The following ZBTB20 variants were observed in gnomAD, a reference collection of about 807,000 sequenced individuals.
The protein encoded by ZBTB20 is zinc finger and BTB domain containing 20.
ZBTB20 carries 9 observed loss-of-function variants against 56.9 expected under a neutral mutation model. That is an observed-to-expected ratio of 0.16 (90% confidence interval 0.10 to 0.28). The LOEUF (loss-of-function observed/expected upper bound fraction) is 0.28. Ranked by LOEUF, ZBTB20 falls within the 10% of genes least tolerant of loss-of-function variation. The pLI is 1.00. For synonymous variants in ZBTB20, 417 were observed against 420.7 expected (o/e 0.99, Z 0.11); for missense variants, 655 against 1,003.0 (o/e 0.65, Z 4.69).
intron 7 of ZBTB20, among the ~76,000 whole-genome samples, chr3:114,391,750 G>A (rs962954659): frequency 6.6e-6 from 1 of 152,184 alleles, no homozygotes; most frequent in Non-Finnish European, 1.5e-5. Flanking sequence ...AGACCTAAAA[G>A]CTCATCTGCT....
At chr3:115,113,990 A>C (rs2083951916) in intron 1 of ZBTB20, among the ~76,000 whole-genome samples, 1 of 152,170 alleles carries the variant, frequency 6.6e-6, no homozygotes, top group Non-Finnish European at 1.5e-5. Context: ...CAATATATGC[A>C]TAATTATTTA....
chr3:115,036,193 A>G (rs913424493), intron 2 of ZBTB20, among the ~76,000 whole-genome samples: 7 of 152,224 alleles, frequency 4.6e-5, no homozygotes, highest in Admixed American at 6.5e-5. Flanking sequence ...TAATGCCACC[A>G]AACTGTACAG....
intron 7 of ZBTB20, among the ~76,000 whole-genome samples, chr3:114,439,049 T>C (rs1487833454): frequency 6.6e-6 from 1 of 152,140 alleles, no homozygotes; most frequent in Non-Finnish European, 1.5e-5. Context: ...TGCCAACATA[T>C]TTGATAGATT....
At chr3:115,130,740 A>G (rs1163442922) in intron 1 of ZBTB20, among the ~76,000 whole-genome samples, 1 of 152,114 alleles carries the variant, frequency 6.6e-6, no homozygotes, top group Non-Finnish European at 1.5e-5. Context: ...TAGCCATAAT[A>G]TTTTAAATTA....
intron 2 of ZBTB20, among the ~76,000 whole-genome samples, chr3:115,040,142 T>A (rs564949667): frequency 6.6e-5 from 10 of 152,138 alleles, no homozygotes; most frequent in Non-Finnish European, 1.3e-4. Flanking sequence ...TTTTTTTTAT[T>A]TCAAGTGGTA....
At chr3:115,106,798 C>T (rs1387751840) in intron 1 of ZBTB20, among the ~76,000 whole-genome samples, 1 of 152,074 alleles carries the variant, frequency 6.6e-6, no homozygotes, top group Non-Finnish European at 1.5e-5. Flanking sequence ...ACCATCGCCA[C>T]CTTCTTCCCC....
chr3:114,786,572 AG>A (rs1473653455), intron 5 of ZBTB20, among the ~76,000 whole-genome samples: 1 of 152,094 alleles, frequency 6.6e-6, no homozygotes, highest in Non-Finnish European at 1.5e-5. Flanking sequence ...GGAAAATAAT[AG>A]TATCAGAAAT....
intron 5 of ZBTB20, among the ~76,000 whole-genome samples, chr3:114,798,625 C>T (rs2071499405): frequency 6.6e-6 from 1 of 151,850 alleles, no homozygotes; most frequent in South Asian, 2.1e-4. Context: ...ACCTTTGTGC[C>T]CTACCCTGTG....
intron 3 of ZBTB20, among the ~76,000 whole-genome samples, chr3:114,936,136 T>C (rs1005464243): frequency 3.3e-5 from 5 of 151,702 alleles, no homozygotes; most frequent in Admixed American, 3.3e-4. Flanking sequence ...AACACAATAA[T>C]GGAGGAAATA....
intron 3 of ZBTB20, among the ~76,000 whole-genome samples, chr3:114,967,508 T>C (rs2077692756): frequency 6.6e-6 from 1 of 152,194 alleles, no homozygotes; most frequent in Non-Finnish European, 1.5e-5. Flanking sequence ...CACACCATGC[T>C]ACTTCAAATG....
intron 7 of ZBTB20, among the ~76,000 whole-genome samples, chr3:114,484,798 A>ATTGTGT (rs1553726433): frequency 6.6e-6 from 1 of 150,606 alleles, no homozygotes; most frequent in East Asian, 2.0e-4. Flanking sequence ...ATATCAATAG[A>ATTGTGT]GTGTGTGTGT....
intron 4 of ZBTB20, among the ~76,000 whole-genome samples, chr3:114,868,576 C>T (rs672825): frequency 6.6e-6 from 1 of 152,164 alleles, no homozygotes; most frequent in Non-Finnish European, 1.5e-5. Context: ...AAAGAGTACT[C>T]TCAATAAACA....
At chr3:114,547,473 G>C (rs1166954213) in intron 6 of ZBTB20, among the ~76,000 whole-genome samples, 1 of 152,082 alleles carries the variant, frequency 6.6e-6, no homozygotes, top group Non-Finnish European at 1.5e-5. Context: ...GGTAATGAAG[G>C]GCAAAAGAAG....
chr3:114,693,867 G>T (rs558886565), intron 5 of ZBTB20, among the ~76,000 whole-genome samples: 5 of 152,028 alleles, frequency 3.3e-5, no homozygotes, highest in African/African-American at 1.2e-4. Context: ...TGTTGAGAAG[G>T]TTATGTTTTA....
chr3:114,464,930 T>C (rs899890252), intron 7 of ZBTB20, among the ~76,000 whole-genome samples: 2 of 152,202 alleles, frequency 1.3e-5, no homozygotes, highest in African/African-American at 4.8e-5. Flanking sequence ...CTTTCAGCTC[T>C]GAATATCCAG....
At chr3:115,125,896 C>T (rs2084318536) in intron 1 of ZBTB20, among the ~76,000 whole-genome samples, 1 of 151,812 alleles carries the variant, frequency 6.6e-6, no homozygotes, top group African/African-American at 2.4e-5. Flanking sequence ...TAAAATAATA[C>T]ACACATACAT....
At chr3:114,481,275 A>AAC (rs1476825533) in intron 7 of ZBTB20, among the ~76,000 whole-genome samples, 8 of 151,580 alleles carry the variant, frequency 5.3e-5, no homozygotes, top group East Asian at 3.9e-4. Flanking sequence ...TAAAAAAAAA[A>AAC]AAAACCTCAT....
At chr3:114,401,105 C>T (rs2086787118) in intron 7 of ZBTB20, among the ~76,000 whole-genome samples, 1 of 151,744 alleles carries the variant, frequency 6.6e-6, no homozygotes. Flanking sequence ...CACACACACA[C>T]ACACACACAC....
At chr3:115,011,343 C>A (rs1423853076) in intron 2 of ZBTB20, among the ~76,000 whole-genome samples, 1 of 151,742 alleles carries the variant, frequency 6.6e-6, no homozygotes, top group Non-Finnish European at 1.5e-5. Context: ...AAGAAGACTA[C>A]CTCAGGGCAT....
Sources: allele counts gnomAD v4.1 joint callset (sites outside exome capture counted in the v4.1 genomes callset), GRCh38; gene constraint gnomAD v4.1.1; transcripts MANE v1.5; gene names NCBI Gene and HGNC (gene_info 2026-07-23, HGNC 2026-07-21).